FUT8: variants seen among roughly 807,000 people sequenced by gnomAD.
FUT8 encodes fucosyltransferase 8.
FUT8 carries 29 observed loss-of-function variants against 71.3 expected under a neutral mutation model. The observed-to-expected ratio is 0.41, with a 90% confidence interval of 0.30 to 0.55. FUT8 has a LOEUF of 0.55. FUT8 is among the 20% of genes least tolerant of loss of function. The pLI is 0.34. For missense variants in FUT8, 544 were observed against 702.1 expected (o/e 0.77, Z 2.55); for synonymous variants, 254 against 239.3 (o/e 1.06, Z -0.57).
At chr14:65,434,983 T>C (rs2065533299) in intron 1 of FUT8, among the ~76,000 whole-genome samples, 1 of 152,142 alleles carries the variant, frequency 6.6e-6, no homozygotes, top group Non-Finnish European at 1.5e-5. Flanking sequence ...AGTTAACCTC[T>C]CCCCCTAAGT....
rs1891905635 is a variant in FUT8, at chr14:65,660,482, C to G, written c.598-8761C>G. 6.6e-6 allele frequency among the ~76,000 whole-genome samples: 1 copy of G among 152,164 alleles called. No individual in the cohort carries two copies. Among genetic ancestry groups the G allele is most frequent in the African/African-American group, 2.4e-5 (1 of 41,448 alleles). On this transcript the variant is annotated intron_variant, in intron 6 of 10. Transcript: ENST00000673929. The surrounding 1 kb of genome is among the most constrained non-coding windows in gnomAD (Gnocchi z 4.1). ...AGTAACTATCTGCCTTTGCTGCAGT[C>G]TTTCAGTCTATAAACTCTGTATCTT...
intron 2 of FUT8, among the ~76,000 whole-genome samples, chr14:65,463,480 C>G (rs775620874): frequency 6.6e-6 from 1 of 152,242 alleles, no homozygotes; most frequent in Admixed American, 6.5e-5. Flanking sequence ...GTTGCCCAGG[C>G]TGATCTTGAA....
At chr14:65,714,791 C>A (rs1403909954) in intron 7 of FUT8, among the ~76,000 whole-genome samples, 1 of 152,036 alleles carries the variant, frequency 6.6e-6, no homozygotes, top group Non-Finnish European at 1.5e-5. Context: ...TTGTAGAGAT[C>A]TTTCACATCT....
At chr14:65,538,044 G>A (rs1319294884) in intron 2 of FUT8, among the ~76,000 whole-genome samples, 1 of 152,132 alleles carries the variant, frequency 6.6e-6, no homozygotes, top group Non-Finnish European at 1.5e-5. Context: ...GCAGGCATTC[G>A]GAGCAGTGAG....
At chr14:65,495,737 A>G (rs1379668172) in intron 2 of FUT8, among the ~76,000 whole-genome samples, 1 of 152,194 alleles carries the variant, frequency 6.6e-6, no homozygotes, top group Non-Finnish European at 1.5e-5. Flanking sequence ...GTAATATGCT[A>G]ATGTTATCAG....
At chr14:65,430,497 G>A (rs916652871) in intron 1 of FUT8, among the ~76,000 whole-genome samples, 3 of 152,048 alleles carry the variant, frequency 2.0e-5, no homozygotes, top group Admixed American at 1.3e-4. Flanking sequence ...AAAGATCATC[G>A]TTCATATTTT....
chr14:65,510,504 A>G (rs1317038387), intron 2 of FUT8, among the ~76,000 whole-genome samples: 7 of 152,060 alleles, frequency 4.6e-5, no homozygotes, highest in African/African-American at 7.2e-5. Context: ...TAGGATTGGT[A>G]TTAGTTCTTC....
chr14:65,719,476 T>A (rs1458359145), intron 7 of FUT8, among the ~76,000 whole-genome samples: 1 of 152,188 alleles, frequency 6.6e-6, no homozygotes, highest in East Asian at 1.9e-4. Context: ...TAGTTTGTTT[T>A]TCAAGGCCAT....
At chr14:65,533,899 T>A (rs928061904) in intron 2 of FUT8, among the ~76,000 whole-genome samples, 1 of 152,228 alleles carries the variant, frequency 6.6e-6, no homozygotes, top group African/African-American at 2.4e-5. Flanking sequence ...GGTTTTTGTC[T>A]GTAGTTATAG....
intron 1 of FUT8, among the ~76,000 whole-genome samples, chr14:65,425,050 A>G (rs1299353536): frequency 2.0e-5 from 3 of 152,196 alleles, no homozygotes; most frequent in Non-Finnish European, 4.4e-5. Flanking sequence ...CAACATATTT[A>G]TTGAAAAACA....
At chr14:65,561,912 G>A (rs541543742) in intron 3 of FUT8, 146 bp downstream of exon 3, 4 of 710,824 alleles carry the variant, frequency 5.6e-6, no homozygotes, top group African/African-American at 3.6e-5. Context: ...TTCTATCTCT[G>A]TGTATTTAAT....
chr14:65,447,293 A>C (rs77481014), intron 1 of FUT8, among the ~76,000 whole-genome samples: 6 of 147,446 alleles, frequency 4.1e-5, no homozygotes, highest in African/African-American at 1.5e-4. Flanking sequence ...GACTCTCTCA[A>C]AAAAAAAAAA....
At chr14:65,458,996 C>G (rs2065934926) in intron 2 of FUT8, among the ~76,000 whole-genome samples, 1 of 152,112 alleles carries the variant, frequency 6.6e-6, no homozygotes, top group African/African-American at 2.4e-5. Flanking sequence ...ACCATGTTGG[C>G]TAGGCTGGTC....
intron 7 of FUT8, among the ~76,000 whole-genome samples, chr14:65,706,777 C>T (rs1894578530): frequency 6.6e-6 from 1 of 152,112 alleles, no homozygotes; most frequent in Non-Finnish European, 1.5e-5. Context: ...CTAATACCAT[C>T]ACCTTGGGAA....
intron 2 of FUT8, among the ~76,000 whole-genome samples, chr14:65,459,928 G>A (rs1368637181): frequency 6.6e-6 from 1 of 152,036 alleles, no homozygotes; most frequent in Non-Finnish European, 1.5e-5. Context: ...TTCTAGAAAT[G>A]GAACATTTTA....
At chr14:65,374,667 T>G in the FUT8 span, among the ~76,000 whole-genome samples, 1 of 152,020 alleles carries the variant, frequency 6.6e-6, no homozygotes, top group Non-Finnish European at 1.5e-5. Context: ...CAATTTTGGC[T>G]CACTGCAACC....
At chr14:65,606,529 A>G (rs189575610) in intron 3 of FUT8, among the ~76,000 whole-genome samples, 61 of 152,004 alleles carry the variant, frequency 4.0e-4, no homozygotes, top group African/African-American at 1.4e-3. Context: ...TTTTGTTTGT[A>G]AGATTGTTTG....
upstream of FUT8, chr14:65,411,819 C>G: frequency 2.9e-6 from 1 of 342,524 alleles, no homozygotes. Flanking sequence ...ACTCCACTCA[C>G]GCGGCGCGCA....
At chr14:65,721,551 G>GAAT (rs1895414515) in intron 7 of FUT8, among the ~76,000 whole-genome samples, 1 of 152,196 alleles carries the variant, frequency 6.6e-6, no homozygotes, top group Non-Finnish European at 1.5e-5. Context: ...GAAACTTTTA[G>GAAT]AAAAGACCAG....
Sources: allele counts gnomAD v4.1 joint callset (sites outside exome capture counted in the v4.1 genomes callset), GRCh38; gene constraint gnomAD v4.1.1; non-coding constraint Gnocchi (gnomAD v3.1); transcripts MANE v1.5; gene names NCBI Gene and HGNC (gene_info 2026-07-23, HGNC 2026-07-21).